SAMD5: variants seen among roughly 807,000 people sequenced by gnomAD.
The protein encoded by SAMD5 is sterile alpha motif domain containing 5, also known as sterile alpha motif domain-containing protein 5.
In SAMD5, 13 loss-of-function variants were observed where a neutral mutation model predicts 11.3. The observed-to-expected ratio is 1.15, with a 90% confidence interval of 0.75 to 1.83. SAMD5 has a LOEUF of 1.83. Ranked by LOEUF, SAMD5 falls within the 40% of genes most tolerant of loss-of-function variation. The probability of loss-of-function intolerance (pLI) is 0.00; values close to 1 mark genes in which losing one functional copy is unlikely to be tolerated. For missense variants in SAMD5, 255 were observed against 239.1 expected, an observed-to-expected ratio of 1.07 and a Z score of -0.44; for synonymous variants, 129 against 111.3, an observed-to-expected ratio of 1.16 and a Z score of -1.00.
intron 1 of SAMD5, among the ~76,000 whole-genome samples, chr6:147,667,135 T>C (rs1790734317): frequency 6.6e-6 from 1 of 152,228 alleles, no homozygotes; most frequent in South Asian, 2.1e-4. Flanking sequence ...GTTGCTTACA[T>C]ATCCGGGTCC....
the SAMD5 span, chr6:147,953,687 T>A: frequency 6.6e-6 from 1 of 152,202 alleles, no homozygotes; most frequent in South Asian, 2.1e-4. Context: ...ACATATGTTG[T>A]AGGTAAGCTT....
At chr6:147,941,566 C>G in the SAMD5 span, among the ~76,000 whole-genome samples, 1 of 152,036 alleles carries the variant, frequency 6.6e-6, no homozygotes, top group African/African-American at 2.4e-5. Flanking sequence ...TTTAGGGGTA[C>G]CGTATCTGTT....
chr6:147,903,133 A>T, the SAMD5 span, among the ~76,000 whole-genome samples: 240 of 152,322 alleles, frequency 1.6e-3, 3 homozygotes, highest in East Asian at 6.6e-3. Context: ...ACATACAATT[A>T]TAGTGGAGCC....
the SAMD5 span, among the ~76,000 whole-genome samples, chr6:147,862,485 T>C: frequency 6.6e-6 from 1 of 152,192 alleles, no homozygotes; most frequent in Non-Finnish European, 1.5e-5. Flanking sequence ...CTGTAGGGGA[T>C]GTGGAGCTCC....
chr6:147,738,696 A>G (rs1040766840), downstream of SAMD5, among the ~76,000 whole-genome samples: 1 of 152,172 alleles, frequency 6.6e-6, no homozygotes, highest in African/African-American at 2.4e-5. Context: ...AGAGTTCACA[A>G]GGCTCAAACA....
At chr6:147,512,872 A>C (rs1043451111) in intron 1 of SAMD5, among the ~76,000 whole-genome samples, 2 of 152,164 alleles carry the variant, frequency 1.3e-5, no homozygotes, top group African/African-American at 2.4e-5. Flanking sequence ...GTGACGATTG[A>C]TTTGATGAGA....
chr6:147,620,409 C>T (rs955866047), intron 1 of SAMD5, among the ~76,000 whole-genome samples: 1 of 152,218 alleles, frequency 6.6e-6, no homozygotes, highest in African/African-American at 2.4e-5. Context: ...GCACAGTTCA[C>T]AGCATTTGAT....
At chr6:147,540,920 G>T (rs1310713520) in intron 1 of SAMD5, among the ~76,000 whole-genome samples, 1 of 145,032 alleles carries the variant, frequency 6.9e-6, no homozygotes, top group African/African-American at 2.6e-5. Context: ...TAGCTGTGGG[G>T]TTCAAGCCAC....
the SAMD5 span, among the ~76,000 whole-genome samples, chr6:147,745,219 T>C: frequency 6.6e-6 from 1 of 152,142 alleles, no homozygotes; most frequent in East Asian, 1.9e-4. Flanking sequence ...AGTGTGACTA[T>C]AGATGAAATA....
At chr6:147,597,197 G>A (rs1789544827) in intron 1 of SAMD5, among the ~76,000 whole-genome samples, 1 of 152,142 alleles carries the variant, frequency 6.6e-6, no homozygotes, top group South Asian at 2.1e-4. Context: ...GGATTAATTA[G>A]TAGGGTTATT....
chr6:147,738,317 G>T (rs998991105), downstream of SAMD5, among the ~76,000 whole-genome samples: 1 of 152,154 alleles, frequency 6.6e-6, no homozygotes, highest in Non-Finnish European at 1.5e-5. Flanking sequence ...CTAACTATTC[G>T]TACTCCTTCT....
At chr6:147,555,937 C>T (rs928265642) in intron 1 of SAMD5, among the ~76,000 whole-genome samples, 1 of 152,106 alleles carries the variant, frequency 6.6e-6, no homozygotes, top group Admixed American at 6.5e-5. Context: ...CAATTAAAAA[C>T]ATATTGCCAC....
chr6:147,856,069 C>T, the SAMD5 span, among the ~76,000 whole-genome samples: 3 of 152,032 alleles, frequency 2.0e-5, no homozygotes, highest in South Asian at 2.1e-4. Flanking sequence ...TATGGTATAG[C>T]GATACAATGG....
chr6:147,678,680 G>A (rs1393023152), intron 1 of SAMD5, among the ~76,000 whole-genome samples: 1 of 152,142 alleles, frequency 6.6e-6, no homozygotes, highest in East Asian at 1.9e-4. Context: ...CCAGCATAGA[G>A]AAATAAGCCA....
the SAMD5 span, among the ~76,000 whole-genome samples, chr6:147,926,473 G>A: frequency 3.8e-5 from 1 of 26,210 alleles, no homozygotes; most frequent in Non-Finnish European, 6.3e-5. Context: ...TGTTGGACAC[G>A]TGTGTCTTCT....
At chr6:147,920,329 T>C in the SAMD5 span, among the ~76,000 whole-genome samples, 278 of 152,296 alleles carry the variant, frequency 1.8e-3, 3 homozygotes, top group East Asian at 0.011. Flanking sequence ...AACATCAGAC[T>C]CAAAGTTCTA....
the SAMD5 span, among the ~76,000 whole-genome samples, chr6:147,934,554 G>T: frequency 6.6e-6 from 1 of 152,092 alleles, no homozygotes. Context: ...ATAGGTAAGG[G>T]GTAATGACAG....
intron 1 of SAMD5, 60 bp downstream of exon 1, chr6:147,509,447 G>T: frequency 1.4e-6 from 2 of 1,444,066 alleles, no homozygotes; most frequent in Admixed American, 5.2e-5. Context: ...CAGCCCAGCT[G>T]CCTGTGCCAA....
chr6:147,758,381 C>T, the SAMD5 span, among the ~76,000 whole-genome samples: 6 of 152,166 alleles, frequency 3.9e-5, no homozygotes, highest in Non-Finnish European at 8.8e-5. Context: ...TAAAAGATTG[C>T]ATGTGGTCAT....
Sources: gnomAD v4.1 joint callset for allele counts (sites outside exome capture counted in the v4.1 genomes callset) on GRCh38, gnomAD v4.1.1 for gene constraint, MANE v1.5 for transcripts, NCBI Gene and HGNC (gene_info 2026-07-23, HGNC 2026-07-21) for gene names.